ATP10B: variants seen among roughly 807,000 people sequenced by gnomAD.
ATP10B encodes ATPase phospholipid transporting 10B (putative).
ATP10B carries 122 observed loss-of-function variants against 141.2 expected under a neutral mutation model. The observed-to-expected ratio is 0.86, with a 90% CI of 0.75 to 1.00. The LOEUF (loss-of-function observed/expected upper bound fraction) is 1.00, where lower values mean the gene tolerates loss of function less well. Among genes scored for constraint, ATP10B ranks in the 50% least tolerant of loss-of-function variants. The probability of loss-of-function intolerance (pLI) is 0.00; values close to 1 mark genes in which losing one functional copy is unlikely to be tolerated. For missense variants in ATP10B, 1,876 were observed against 1,825.3 expected, an observed-to-expected ratio of 1.03 and a Z score of -0.51; for synonymous variants, 685 against 692.0, an observed-to-expected ratio of 0.99 and a Z score of 0.16.
intron 17 of ATP10B, among the ~76,000 whole-genome samples, chr5:160,613,377 G>A (rs530339484): frequency 6.6e-6 from 1 of 152,316 alleles, no homozygotes; most frequent in South Asian, 2.1e-4. Context: ...GCCAGAAAAG[G>A]AGCTTAGGGG....
rs574017939 is a variant in ATP10B, at chr5:160,743,246, G to A, written c.-330-26212C>T. 8.5e-4 allele frequency among the ~76,000 whole-genome samples: 129 copies of A among 152,292 alleles called. 2 individuals are homozygous for A. Among genetic ancestry groups the A allele is most frequent in the African/African-American group, 2.9e-3 (119 of 41,546 alleles). Reference sequence around the variant, plus strand: ...CAAATATAGGCTGTGGTCTGATTATGCAGTTTCAACTCTTAACCCACATGC... The same window carrying A: ...CAAATATAGGCTGTGGTCTGATTATACAGTTTCAACTCTTAACCCACATGC... On this transcript the variant is annotated intron_variant, in intron 2 of 25. Coordinates refer to ENST00000327245, the MANE Select transcript of ATP10B (RefSeq NM_025153.3).
At chr5:160,570,122 G>A (rs1561612226) in intron 24 of ATP10B, among the ~76,000 whole-genome samples, 1 of 151,264 alleles carries the variant, frequency 6.6e-6, no homozygotes, top group Non-Finnish European at 1.5e-5. Flanking sequence ...TTTTTTGATC[G>A]TATTTTGTCC....
At chr5:160,734,244 G>A (rs915219911) in intron 2 of ATP10B, among the ~76,000 whole-genome samples, 2 of 151,980 alleles carry the variant, frequency 1.3e-5, no homozygotes, top group East Asian at 3.9e-4. Context: ...TCAGGCTATA[G>A]CAGAAGTGAC....
At chr5:160,825,165 T>C (rs1306333456) in intron 1 of ATP10B, among the ~76,000 whole-genome samples, 1 of 152,220 alleles carries the variant, frequency 6.6e-6, no homozygotes, top group East Asian at 1.9e-4. Flanking sequence ...ACATATTTCC[T>C]GTGTTCCAAG....
In ATP10B at chr5:160,612,944, A is replaced by G. The variant is rs771788339; in HGVS notation, c.2654-19T>C. Reference sequence around the variant, plus strand: ...GTGGCTCCTGGAGTGATGAAAAACAACAGAGTTCACATTTATCGTAAAAGA... The same window carrying G: ...GTGGCTCCTGGAGTGATGAAAAACAGCAGAGTTCACATTTATCGTAAAAGA... On this transcript the variant is annotated intron_variant, in intron 17 of 25. Transcript: ENST00000327245. 6.2e-7 allele frequency: 1 copy of G among 1,601,142 alleles called. No individual in the cohort carries two copies. Among genetic ancestry groups the G allele is most frequent in the East Asian group, 2.2e-5 (1 of 44,604 alleles).
intron 7 of ATP10B, among the ~76,000 whole-genome samples, chr5:160,669,604 C>G (rs1240054219): frequency 7.7e-6 from 1 of 129,806 alleles, no homozygotes; most frequent in Admixed American, 8.6e-5. Context: ...GAGCCAGTCT[C>G]TCTCTTTTTT....
intron 7 of ATP10B, among the ~76,000 whole-genome samples, chr5:160,667,172 C>A (rs1477405071): frequency 1.3e-5 from 2 of 152,016 alleles, no homozygotes; most frequent in Non-Finnish European, 2.9e-5. Context: ...GAGCAGAGAT[C>A]GTGCCACTGC....
At chr5:160,666,130 C>T (rs1334358476) in intron 7 of ATP10B, among the ~76,000 whole-genome samples, 3 of 152,052 alleles carry the variant, frequency 2.0e-5, no homozygotes, top group Non-Finnish European at 2.9e-5. Flanking sequence ...AGTTTTCTCC[C>T]CATTATTAGG....
At chr5:160,843,695 G>T (rs1405578421) in intron 1 of ATP10B, among the ~76,000 whole-genome samples, 1 of 151,882 alleles carries the variant, frequency 6.6e-6, no homozygotes, top group Non-Finnish European at 1.5e-5. Context: ...CAAACATACT[G>T]TAACAAAGAC....
At chr5:160,598,524 A>G (rs1756884584) in intron 22 of ATP10B, among the ~76,000 whole-genome samples, 1 of 152,062 alleles carries the variant, frequency 6.6e-6, no homozygotes, top group Non-Finnish European at 1.5e-5. Flanking sequence ...GTACCCTAAA[A>G]CTTAAAGTAT....
intron 1 of ATP10B, among the ~76,000 whole-genome samples, chr5:160,824,616 T>C (rs1403935215): frequency 6.6e-6 from 1 of 152,214 alleles, no homozygotes; most frequent in Non-Finnish European, 1.5e-5. Context: ...ATATAGCCTA[T>C]TGCTCCTAGG....
At chr5:160,725,514 C>G (rs1255003385) in intron 2 of ATP10B, among the ~76,000 whole-genome samples, 1 of 151,584 alleles carries the variant, frequency 6.6e-6, no homozygotes, top group South Asian at 2.1e-4. Context: ...GGTGCGATCT[C>G]GGCTCACTGC....
intron 24 of ATP10B, among the ~76,000 whole-genome samples, chr5:160,572,864 G>T (rs781098810): frequency 1.3e-5 from 2 of 152,168 alleles, no homozygotes; most frequent in Non-Finnish European, 2.9e-5. Flanking sequence ...ATTTACTTCA[G>T]ATTTTATGGA....
the ATP10B span, among the ~76,000 whole-genome samples, chr5:160,857,592 A>G: frequency 6.6e-6 from 1 of 151,490 alleles, no homozygotes; most frequent in Non-Finnish European, 1.5e-5. Context: ...TATTTCTGAG[A>G]TGGAAGCTTA....
chr5:160,592,379 C>T (rs999177170), intron 22 of ATP10B, among the ~76,000 whole-genome samples: 11 of 152,134 alleles, frequency 7.2e-5, no homozygotes, highest in East Asian at 1.9e-4. Flanking sequence ...TCTTCCCCTT[C>T]GACTAGGGCA....
At chr5:160,733,620 A>G (rs969705787) in intron 2 of ATP10B, among the ~76,000 whole-genome samples, 21 of 151,752 alleles carry the variant, frequency 1.4e-4, no homozygotes, top group South Asian at 4.2e-4. Context: ...TCACACATAT[A>G]TTACACATAT....
In ATP10B at chr5:160,838,927, G is replaced by T. The variant is rs944803027; in HGVS notation, c.-576+13014C>A. 2.6e-5 allele frequency among the ~76,000 whole-genome samples: 4 copies of T among 152,184 alleles called. No homozygotes were observed. In the East Asian group the frequency reaches 5.8e-4, roughly 22 times the overall value. On this transcript the variant is annotated intron_variant, in intron 1 of 25. Transcript: ENST00000327245. ...TGAGTTCTCAGTTAACATGATATCTGGTTACTTAAAAGAGTCTGGGACCTC... is the reference window on the plus strand; with the variant it reads ...TGAGTTCTCAGTTAACATGATATCTTGTTACTTAAAAGAGTCTGGGACCTC...
At chr5:160,812,061 G>GAGAGAGA (rs1773215225) in intron 1 of ATP10B, among the ~76,000 whole-genome samples, 1 of 114,534 alleles carries the variant, frequency 8.7e-6, no homozygotes, top group African/African-American at 3.2e-5. Context: ...AGAGAGAGAG[G>GAGAGAGA]GAGAGGGAGA....
chr5:160,801,005 C>G (rs1239517037), intron 1 of ATP10B, among the ~76,000 whole-genome samples: 1 of 152,128 alleles, frequency 6.6e-6, no homozygotes, highest in Non-Finnish European at 1.5e-5. Context: ...GCTGTAGAAT[C>G]CTTGCCAGCC....
Sources: gnomAD v4.1 joint callset for allele counts (sites outside exome capture counted in the v4.1 genomes callset) on GRCh38, gnomAD v4.1.1 for gene constraint, MANE v1.5 for transcripts, NCBI Gene and HGNC (gene_info 2026-07-23, HGNC 2026-07-21) for gene names.